MBTPS1: variants seen among roughly 807,000 people sequenced by gnomAD.
MBTPS1 encodes membrane-bound transcription factor site-1 protease.
In MBTPS1, 94 loss-of-function variants were observed where a neutral mutation model predicts 127.8. The ratio of observed to expected loss-of-function variants is 0.74; its 90% CI spans 0.62 to 0.87. The LOEUF (loss-of-function observed/expected upper bound fraction) is 0.87, where lower values mean the gene tolerates loss of function less well. MBTPS1 is among the 40% of genes least tolerant of loss of function. The probability of loss-of-function intolerance (pLI) is 0.00; values close to 1 mark genes in which losing one functional copy is unlikely to be tolerated. For synonymous variants in MBTPS1, 632 were observed against 509.4 expected, an observed-to-expected ratio of 1.24 and a Z score of -3.24; for missense variants, 1,636 against 1,353.2, an observed-to-expected ratio of 1.21 and a Z score of -3.28.
chr16:84,097,797 A>T (rs1012968118), intron 3 of MBTPS1, among the ~76,000 whole-genome samples: 4 of 151,362 alleles, frequency 2.6e-5, no homozygotes, highest in African/African-American at 9.7e-5. Flanking sequence ...AGACGCCTTA[A>T]GTTTACACCT....
chr16:84,099,050 C>A lies in MBTPS1; in HGVS notation c.421+3G>T. The A allele has an allele frequency of 2.5e-6, 4 of 1,613,638 alleles. No homozygotes were observed. Among genetic ancestry groups the A allele is most frequent in the Non-Finnish European group, 3.4e-6 (4 of 1,179,694 alleles). On this transcript the variant is annotated splice_donor_region_variant and intron_variant, in intron 3 of 22. Transcript: ENST00000343411. The stretch of plus-strand genomic sequence containing the variant: ...GAAATTTGCCTACAGTCACAATACT[C>A]ACATTCAGCATACTTGAGGGAACGA...
At chr16:84,088,316 G>A (rs528777730) in intron 8 of MBTPS1, among the ~76,000 whole-genome samples, 1 of 152,054 alleles carries the variant, frequency 6.6e-6, no homozygotes, top group East Asian at 1.9e-4. Context: ...GTTTTTAACT[G>A]ACAATTCCCA....
chr16:84,095,874 A>C (rs1017773454), intron 3 of MBTPS1, 69 bp from the exon 4 acceptor site: 50 of 1,237,530 alleles, frequency 4.0e-5, no homozygotes, highest in Non-Finnish European at 5.8e-5. Context: ...GCCAGGCAAA[A>C]CTATCCTAAA....
At chr16:84,090,794 T>C in intron 8 of MBTPS1, 81 bp downstream of exon 8, 2 of 959,518 alleles carry the variant, frequency 2.1e-6, no homozygotes, top group Non-Finnish European at 3.4e-6. Context: ...TAACCATAGG[T>C]AGATACACAA....
chr16:84,105,598 A>G (rs2086312608), intron 1 of MBTPS1, among the ~76,000 whole-genome samples: 1 of 152,178 alleles, frequency 6.6e-6, no homozygotes, highest in Non-Finnish European at 1.5e-5. Flanking sequence ...AGGAAGACAC[A>G]GATGTGCACA....
intron 16 of MBTPS1, among the ~76,000 whole-genome samples, chr16:84,066,842 G>T (rs534122679): frequency 6.6e-6 from 1 of 152,156 alleles, no homozygotes; most frequent in East Asian, 1.9e-4. Flanking sequence ...ATGAAAATCA[G>T]TACTTTACCG....
At chr16:84,097,195 G>A (rs577613313) in intron 3 of MBTPS1, among the ~76,000 whole-genome samples, 5 of 152,306 alleles carry the variant, frequency 3.3e-5, no homozygotes, top group Non-Finnish European at 7.3e-5. Context: ...CCAAATGGGT[G>A]GGATGCAGAG....
At chr16:84,083,915 G>A (rs1259419255) in intron 10 of MBTPS1, among the ~76,000 whole-genome samples, 1 of 152,214 alleles carries the variant, frequency 6.6e-6, no homozygotes, top group Non-Finnish European at 1.5e-5. Flanking sequence ...ATGAAAGTGA[G>A]AACATGTGAA....
intron 10 of MBTPS1, 32 bp downstream of exon 10, chr16:84,084,951 G>A: frequency 6.2e-7 from 1 of 1,605,448 alleles, no homozygotes; most frequent in East Asian, 2.2e-5. Flanking sequence ...TCCTGACGTG[G>A]GAGCTACTGG....
At position 84,069,977 on chromosome 16, in the gene MBTPS1, G is replaced by C; in HGVS notation, c.1844C>G (p.Pro615Arg). 2 of 1,614,050 alleles carry C rather than the reference G, an allele frequency of 1.2e-6. No homozygotes were observed. Among genetic ancestry groups the C allele is most frequent in the Non-Finnish European group, 1.7e-6 (2 of 1,179,984 alleles). Reference protein sequence around the residue: ...VKLPIKVKIIPTPPRSKRVLW... With the variant: ...VKLPIKVKIIRTPPRSKRVLW... The stretch of plus-strand genomic sequence containing the variant: ...AACTCTCTTGCTTCGCGGGGGAGTA[G>C]GAATTATCTTCACCTTAATGGGGAG... Residue 615 changes from proline (P) to arginine (R), a missense_variant, in exon 14 of 23, where the codon CCT becomes CGT. By Grantham distance (103) the Pro-to-Arg change is moderately radical. Coordinates refer to ENST00000343411, the MANE Select transcript of MBTPS1 (RefSeq NM_003791.4).
In MBTPS1 at chr16:84,085,028, C is replaced by A. The variant is rs774069326; in HGVS notation, c.1241G>T (p.Ser414Ile). Residue 414 changes from serine (S) to isoleucine (I), a missense_variant, in exon 10 of 23, where the codon AGT becomes ATT. Physicochemically the swap from Ser to Ile is moderately radical, Grantham distance 142. Coordinates refer to ENST00000343411, the MANE Select transcript of MBTPS1 (RefSeq NM_003791.4). ...KGGCRALSGT[S>I]VASPVVAGAV... is the part of the protein sequence containing the mutation. ...ACCTGCAACCACTGGAGAAGCAACA[C>A]TGGTCCCTGAGAGGGCCCGGCACCC... 2 of 1,614,256 alleles carry A rather than the reference C, an allele frequency of 1.2e-6. No homozygotes were observed. Among genetic ancestry groups the A allele is most frequent in the Non-Finnish European group, 8.5e-7 (1 of 1,180,050 alleles).
Position 84,063,433 on chromosome 16 carries a change from A to G in MBTPS1, c.2444T>C (p.Leu815Ser). 1 of 1,614,122 alleles carries G rather than the reference A, an allele frequency of 6.2e-7. No homozygotes were observed. The highest frequency in any genetic ancestry group is 8.5e-7 in the Non-Finnish European group (1 of 1,179,974). The change falls in exon 19 of 23, where the codon TTA (leucine) becomes TCA (serine). Residue 815 changes from leucine to serine, a missense_variant. By Grantham distance (145) the Leu-to-Ser change is moderately radical. Transcript: ENST00000343411. ...TTCAACAACTGCTGTTTCCTGCTTT[A>G]AAACCTCCAATCCTGAAACAACACA... ...QTFKDQGLEV[L>S]KQETAVVENV...
intron 21 of MBTPS1, chr16:84,058,134 C>T (rs1314859159): frequency 6.6e-6 from 1 of 152,228 alleles, no homozygotes; most frequent in African/African-American, 2.4e-5. Context: ...GATTAAGGTT[C>T]AGGAAGAAAG....
intron 8 of MBTPS1, among the ~76,000 whole-genome samples, chr16:84,087,754 A>T (rs559911264): frequency 2.4e-4 from 37 of 152,104 alleles, no homozygotes; most frequent in Non-Finnish European, 4.7e-4. Context: ...CCCTCCAGCA[A>T]TCCAAGCCTT....
chr16:84,109,217 C>A (rs1245973099), intron 1 of MBTPS1, among the ~76,000 whole-genome samples: 1 of 152,182 alleles, frequency 6.6e-6, no homozygotes, highest in Non-Finnish European at 1.5e-5. Flanking sequence ...GAAAGGCTCA[C>A]AGAATGATGG....
intron 21 of MBTPS1, 50 bp downstream of exon 21, chr16:84,059,252 T>G (rs112321222): frequency 6.4e-7 from 1 of 1,568,106 alleles, no homozygotes; most frequent in African/African-American, 1.4e-5. Flanking sequence ...AGAAAAGCAA[T>G]GACTCACAAG....
intron 8 of MBTPS1, among the ~76,000 whole-genome samples, chr16:84,088,336 G>T (rs745663600): frequency 5.3e-5 from 8 of 152,104 alleles, no homozygotes; most frequent in Non-Finnish European, 1.2e-4. Context: ...AACACACCGA[G>T]AAAAAGTGGT....
intron 22 of MBTPS1, among the ~76,000 whole-genome samples, chr16:84,055,066 G>A (rs2085501745): frequency 6.6e-6 from 1 of 152,220 alleles, no homozygotes; most frequent in Non-Finnish European, 1.5e-5. Flanking sequence ...GAGAAAGGGG[G>A]CGTGGCGGAA....
At chr16:84,115,711 T>C (rs537175942) in intron 1 of MBTPS1, among the ~76,000 whole-genome samples, 22 of 152,322 alleles carry the variant, frequency 1.4e-4, no homozygotes, top group Admixed American at 2.0e-4. Flanking sequence ...GATGAAAGGT[T>C]GCCTGTGGCG....
Sources: allele counts gnomAD v4.1 joint callset (sites outside exome capture counted in the v4.1 genomes callset), GRCh38; gene constraint gnomAD v4.1.1; transcripts MANE v1.5; gene names NCBI Gene and HGNC (gene_info 2026-07-23, HGNC 2026-07-21).